MTMR10: variants seen among roughly 807,000 people sequenced by gnomAD.
MTMR10 encodes the protein myotubularin-related protein 10.
In MTMR10, 56 loss-of-function variants were observed where a neutral mutation model predicts 88.1. That is an observed-to-expected ratio of 0.64 (90% CI 0.51 to 0.79). The LOEUF (loss-of-function observed/expected upper bound fraction) is 0.79. MTMR10 is among the 30% of genes least tolerant of loss of function. The pLI is 0.00. For missense variants in MTMR10, 883 were observed against 924.7 expected, an observed-to-expected ratio of 0.95 and a Z score of 0.58; for synonymous variants, 380 against 340.9, an observed-to-expected ratio of 1.11 and a Z score of -1.26.
At chr15:30,972,915 G>A (rs1356134067) in intron 5 of MTMR10, among the ~76,000 whole-genome samples, 5 of 152,102 alleles carry the variant, frequency 3.3e-5, no homozygotes, top group African/African-American at 1.2e-4. Context: ...CCGGTCAATT[G>A]CATCAATTTC....
chr15:30,956,134 G>A (rs1354339335), intron 9 of MTMR10: 2 of 152,078 alleles, frequency 1.3e-5, no homozygotes, highest in African/African-American at 4.8e-5. Context: ...TTTCCTCTAT[G>A]CACCTTTATG....
In MTMR10 at chr15:30,939,187, TTAAA is replaced by T. The variant is rs1233699127; in HGVS notation, c.*2279_*2282del. 6 of 985,328 alleles carry T rather than the reference TTAAA, an allele frequency of 6.1e-6. No individual in the cohort carries two copies. In the East Asian group the frequency reaches 3.4e-4, roughly 56 times the overall value. 61.0% of individuals were successfully genotyped at this position (985,328 alleles called of 1,614,324 possible). ...GTTAGTACAAATTAATATCCTTTCC[TTAAA>T]TAAAGTTAGTTAGCTATTTTTGGTT... On this transcript the variant is annotated 3_prime_UTR_variant, in exon 16 of 16. Transcript: ENST00000435680.
chr15:30,946,433 C>G (rs1173661530), intron 14 of MTMR10: 6 of 304,184 alleles, frequency 2.0e-5, no homozygotes, highest in Non-Finnish European at 3.6e-5. Flanking sequence ...AGACCAGGGC[C>G]AGAACTCAGG....
the MTMR10 span, chr15:30,928,820 A>C: frequency 1.0e-6 from 1 of 974,648 alleles, no homozygotes; most frequent in African/African-American, 1.8e-5. Flanking sequence ...TCTGAGTAAT[A>C]GAATTTAAGA....
intron 5 of MTMR10, among the ~76,000 whole-genome samples, 174 bp downstream of exon 5, chr15:30,974,140 C>T (rs1595938753): frequency 6.6e-6 from 1 of 152,050 alleles, no homozygotes; most frequent in Non-Finnish European, 1.5e-5. Context: ...AGCCATAAAC[C>T]AATCCAAGAA....
chr15:30,929,591 TTATA>T, the MTMR10 span, among the ~76,000 whole-genome samples: 11 of 130,954 alleles, frequency 8.4e-5, no homozygotes, highest in African/African-American at 2.9e-4. Flanking sequence ...ATATTATATA[TTATA>T]TATTACATAT....
intron 14 of MTMR10, among the ~76,000 whole-genome samples, chr15:30,945,710 C>A (rs1029798096): frequency 6.6e-6 from 1 of 152,318 alleles, no homozygotes; most frequent in Non-Finnish European, 1.5e-5. Flanking sequence ...ATTTTAGGAA[C>A]AAATGAGCGT....
rs780989629 is a variant in MTMR10 at position 30,961,406 on chromosome 15, A to G, written c.566-333T>C. On this transcript the variant is annotated intron_variant, in intron 6 of 15. Coordinates refer to ENST00000435680, the MANE Select transcript of MTMR10 (RefSeq NM_017762.3). ...CTGCCACCATGCACCATGTCCAGCTAATTTTTGTATTTTTAATAGAGACAG... is the reference window on the plus strand; with the variant it reads ...CTGCCACCATGCACCATGTCCAGCTGATTTTTGTATTTTTAATAGAGACAG... 3.8e-4 allele frequency among the ~76,000 whole-genome samples: 58 copies of G among 152,050 alleles called. 1 individual carries two copies. The highest frequency in any genetic ancestry group is 8.3e-4 in the South Asian group (4 of 4,796).
chr15:30,925,114 T>C, the MTMR10 span: 199 of 1,604,888 alleles, frequency 1.2e-4, no homozygotes, highest in Non-Finnish European at 1.6e-4. Context: ...TGTGTGACCA[T>C]GCTCTCTGCC....
At chr15:30,968,137 C>T in intron 5 of MTMR10, 127 bp from the exon 6 acceptor site, 2 of 620,858 alleles carry the variant, frequency 3.2e-6, no homozygotes, top group Non-Finnish European at 5.3e-6. Flanking sequence ...ACATGTTTTT[C>T]TGTTGACCTA....
the MTMR10 span, among the ~76,000 whole-genome samples, chr15:30,921,550 T>A: frequency 2.0e-5 from 3 of 152,264 alleles, no homozygotes; most frequent in East Asian, 5.8e-4. Context: ...GAAAATGGGA[T>A]CTTACAAAGA....
At chr15:30,987,363 C>T (rs1411032798) in intron 2 of MTMR10, among the ~76,000 whole-genome samples, 1 of 152,200 alleles carries the variant, frequency 6.6e-6, no homozygotes, top group Non-Finnish European at 1.5e-5. Flanking sequence ...TTGAAGTAGG[C>T]ACAATACCCA....
chr15:30,957,061 TAC>T (rs2063337411), intron 9 of MTMR10, among the ~76,000 whole-genome samples: 1 of 152,152 alleles, frequency 6.6e-6, no homozygotes, highest in Non-Finnish European at 1.5e-5. Context: ...TCAGTTACGG[TAC>T]AGTGGAAAAA....
At position 30,956,814 on chromosome 15, in the gene MTMR10, C is replaced by T. The variant is rs192731598; in HGVS notation, c.936-1921G>A. On this transcript the variant is annotated intron_variant, in intron 9 of 15. Coordinates refer to ENST00000435680, the MANE Select transcript of MTMR10 (RefSeq NM_017762.3). ...TATAACTAACTCTCACCCAACAATG[C>T]TACAATTGTCCCTTTAACAGCAAAA... Among the ~76,000 whole-genome samples, 18 of 151,618 alleles carry T rather than the reference C, an allele frequency of 1.2e-4. No individual in the cohort carries two copies. The East Asian group carries it at 3.5e-3, about 29-fold the overall frequency.
the MTMR10 span, chr15:30,928,505 T>TG: frequency 7.2e-4 from 1,135 of 1,577,498 alleles, 10 homozygotes; most frequent in African/African-American, 0.015. Flanking sequence ...TAAAACAGAT[T>TG]TTGTGTGTGT....
intron 6 of MTMR10, among the ~76,000 whole-genome samples, chr15:30,963,426 C>T (rs1167016893): frequency 3.3e-5 from 5 of 151,940 alleles, no homozygotes; most frequent in South Asian, 2.1e-4. Flanking sequence ...GTCAGGAGAT[C>T]GAGACCATCT....
intron 2 of MTMR10, among the ~76,000 whole-genome samples, chr15:30,990,514 T>G (rs961012151): frequency 3.9e-5 from 6 of 152,228 alleles, no homozygotes; most frequent in African/African-American, 1.4e-4. Context: ...ATGCAATAAG[T>G]GGCAAACACG....
intron 2 of MTMR10, among the ~76,000 whole-genome samples, chr15:30,990,162 T>C (rs1394533474): frequency 6.6e-6 from 1 of 152,088 alleles, no homozygotes; most frequent in Non-Finnish European, 1.5e-5. Context: ...CAATGACTGG[T>C]GGCATTTTGG....
At chr15:30,919,329 G>A in the MTMR10 span, among the ~76,000 whole-genome samples, 1 of 141,602 alleles carries the variant, frequency 7.1e-6, no homozygotes, top group African/African-American at 2.7e-5. Context: ...GTGGTGAGCT[G>A]AGATCACGCC....
Sources: gnomAD v4.1 joint callset for allele counts (sites outside exome capture counted in the v4.1 genomes callset) on GRCh38, gnomAD v4.1.1 for gene constraint, MANE v1.5 for transcripts, NCBI Gene and HGNC (gene_info 2026-07-23, HGNC 2026-07-21) for gene names.